Variants in SULF1 observed in about 807,000 individuals in gnomAD.
SULF1 encodes the protein sulfatase 1.
Under a neutral mutation model 110.5 loss-of-function variants are expected in SULF1, and 46 were observed. The ratio of observed to expected loss-of-function variants is 0.42; its 90% CI spans 0.33 to 0.53. The LOEUF (loss-of-function observed/expected upper bound fraction) is 0.53, where lower values mean the gene tolerates loss of function less well. Ranked by LOEUF, SULF1 falls within the 20% of genes least tolerant of loss-of-function variation. The probability of loss-of-function intolerance (pLI) is 0.12; values close to 1 mark genes in which losing one functional copy is unlikely to be tolerated. For synonymous variants in SULF1, 371 were observed against 387.1 expected, an observed-to-expected ratio of 0.96 and a Z score of 0.49; for missense variants, 941 against 1,094.2, an observed-to-expected ratio of 0.86 and a Z score of 1.98.
At chr8:69,542,143 C>T (rs1299759077) in intron 3 of SULF1, among the ~76,000 whole-genome samples, 1 of 152,120 alleles carries the variant, frequency 6.6e-6, no homozygotes, top group Non-Finnish European at 1.5e-5. Flanking sequence ...AGTTATATTC[C>T]ATTCTTCTTC....
chr8:69,593,341 A>C (rs1218887851), intron 8 of SULF1, among the ~76,000 whole-genome samples: 2 of 152,240 alleles, frequency 1.3e-5, no homozygotes, highest in Admixed American at 1.3e-4. Flanking sequence ...GGATGCGAGA[A>C]GTTAAGTACT....
intron 8 of SULF1, among the ~76,000 whole-genome samples, chr8:69,591,508 G>A (rs566701235): frequency 9.9e-5 from 15 of 151,652 alleles, no homozygotes; most frequent in African/African-American, 3.6e-4. Flanking sequence ...AGCTTGCAGT[G>A]AGCCGAGATC....
intron 5 of SULF1, among the ~76,000 whole-genome samples, chr8:69,575,218 TCCTC>T (rs1175273540): frequency 1.3e-5 from 2 of 151,956 alleles, no homozygotes; most frequent in East Asian, 3.9e-4. Context: ...TTTTTTTCCT[TCCTC>T]AGCAATCTTA....
chr8:69,575,921 C>G, intron 5 of SULF1, 49 bp from the exon 6 acceptor site: 1 of 1,592,978 alleles, frequency 6.3e-7, no homozygotes, highest in South Asian at 1.1e-5. Flanking sequence ...TCGAAATAGG[C>G]ATTCATGTGC....
chr8:69,564,365 C>A (rs1418595155), intron 5 of SULF1, among the ~76,000 whole-genome samples: 1 of 152,038 alleles, frequency 6.6e-6, no homozygotes, highest in Non-Finnish European at 1.5e-5. Context: ...GGGGAAGGGG[C>A]CTGGGGGAGT....
chr8:69,488,993 G>T (rs1012261987), upstream of SULF1, among the ~76,000 whole-genome samples: 15 of 152,146 alleles, frequency 9.9e-5, no homozygotes, highest in Admixed American at 6.5e-5. Context: ...AGTGAGGCTG[G>T]CCCAGCTGAC....
At chr8:69,631,565 A>G (rs557545845) in intron 19 of SULF1, among the ~76,000 whole-genome samples, 1 of 152,270 alleles carries the variant, frequency 6.6e-6, no homozygotes, top group Non-Finnish European at 1.5e-5. Flanking sequence ...CAAAAATAAA[A>G]TAAAATATAG....
intron 8 of SULF1, 104 bp from the exon 9 acceptor site, chr8:69,600,499 T>G: frequency 1.8e-6 from 2 of 1,116,846 alleles, no homozygotes; most frequent in Non-Finnish European, 2.5e-6. Flanking sequence ...GTTTTAGCAG[T>G]GTCTCAATTA....
chr8:69,595,849 G>C (rs550814809), intron 8 of SULF1, among the ~76,000 whole-genome samples: 12 of 152,210 alleles, frequency 7.9e-5, no homozygotes, highest in South Asian at 2.1e-4. Context: ...CAATTCCCCA[G>C]GTATAGATTT....
chr8:69,629,696 A>C lies in SULF1; in HGVS notation c.2284+17A>C. On this transcript the variant is annotated intron_variant, in intron 19 of 22. Coordinates refer to ENST00000402687, the MANE Select transcript of SULF1 (RefSeq NM_001128205.2). ...TCTGGAACCGTAAGTTGCTTGTTCC[A>C]AATGCCACTTCCTGCCGCCATGCAG... 1 of 1,581,742 alleles carries C rather than the reference A, an allele frequency of 6.3e-7. No homozygotes were observed. Among genetic ancestry groups the C allele is most frequent in the Non-Finnish European group, 8.6e-7 (1 of 1,163,382 alleles).
At chr8:69,486,798 C>T (rs894894776) in intron 1 of SULF1, among the ~76,000 whole-genome samples, 24 of 152,270 alleles carry the variant, frequency 1.6e-4, no homozygotes, top group Non-Finnish European at 3.1e-4. Flanking sequence ...ACAACTCCCC[C>T]GCCCCTGCAG....
At chr8:69,592,063 T>C (rs1341180757) in intron 8 of SULF1, among the ~76,000 whole-genome samples, 1 of 152,100 alleles carries the variant, frequency 6.6e-6, no homozygotes, top group Non-Finnish European at 1.5e-5. Flanking sequence ...GGGAGAAGCC[T>C]TCATATCTTT....
At position 69,659,596 on chromosome 8, in the gene SULF1, C is replaced by G. The variant is rs1323007405; in HGVS notation, c.*1061C>G. The G allele has an allele frequency of 4.5e-6, 1 of 221,860 alleles. No homozygotes were observed. The highest frequency in any genetic ancestry group is 9.1e-6 in the Non-Finnish European group (1 of 110,102). The allele number at this position is 221,860 out of a possible 1,614,324, so 13.7% of individuals were successfully genotyped here. On this transcript the variant is annotated 3_prime_UTR_variant, in exon 23 of 23. Transcript: ENST00000402687. ...TTGTTTTGTACTAAAACAGTATTAT[C>G]TTTTGAATATCGTAGGGACATAAGT...
At position 69,629,680 on chromosome 8, in the gene SULF1, G is replaced by T; in HGVS notation, c.2284+1G>T. The T allele has an allele frequency of 6.3e-7, 1 of 1,595,442 alleles. No homozygotes were observed. Among genetic ancestry groups the T allele is most frequent in the Non-Finnish European group, 8.5e-7 (1 of 1,170,856 alleles). Reference sequence around the variant, plus strand: ...TGGCAGACAGCCCCGTTCTGGAACCGTAAGTTGCTTGTTCCAAATGCCACT... The same window carrying T: ...TGGCAGACAGCCCCGTTCTGGAACCTTAAGTTGCTTGTTCCAAATGCCACT... On this transcript the variant is annotated splice_donor_variant, in intron 19 of 22. Transcript: ENST00000402687. LOFTEE classifies it high-confidence loss of function.
At chr8:69,586,577 G>A in intron 7 of SULF1, 69 bp downstream of exon 7, 1 of 1,496,998 alleles carries the variant, frequency 6.7e-7, no homozygotes, top group South Asian at 1.2e-5. Context: ...CATTTTCAGT[G>A]AGTTAAACTA....
chr8:69,484,751 A>ACAGTCAAG (rs1185453562), intron 1 of SULF1, among the ~76,000 whole-genome samples: 1 of 152,188 alleles, frequency 6.6e-6, no homozygotes, highest in African/African-American at 2.4e-5. Context: ...AAAAGGAGAA[A>ACAGTCAAG]CAGTCAAGCA....
intron 3 of SULF1, among the ~76,000 whole-genome samples, chr8:69,525,581 C>T (rs542806139): frequency 6.6e-6 from 1 of 152,134 alleles, no homozygotes. Flanking sequence ...AGTTCTTGCT[C>T]GTTCTTTACT....
chr8:69,604,616 C>A (rs1452179523), intron 12 of SULF1, among the ~76,000 whole-genome samples, 187 bp from the exon 13 acceptor site: 2 of 151,930 alleles, frequency 1.3e-5, no homozygotes, highest in East Asian at 3.8e-4. Flanking sequence ...TTCATCCTAC[C>A]CAGTTTGTCA....
chr8:69,604,570 T>C (rs1258981730), intron 12 of SULF1, among the ~76,000 whole-genome samples: 1 of 152,194 alleles, frequency 6.6e-6, no homozygotes, highest in Non-Finnish European at 1.5e-5. Flanking sequence ...AAATTAATGC[T>C]TTTGGGAAGA....
Sources: allele counts gnomAD v4.1 joint callset (sites outside exome capture counted in the v4.1 genomes callset), GRCh38; gene constraint gnomAD v4.1.1; transcripts MANE v1.5; gene names NCBI Gene and HGNC (gene_info 2026-07-23, HGNC 2026-07-21).